The following NTRK3 variants were observed in gnomAD, a reference collection of about 807,000 sequenced individuals.
NTRK3 encodes NT-3 growth factor receptor.
In NTRK3, 24 loss-of-function variants were observed where a neutral mutation model predicts 91.7. That is an observed-to-expected ratio of 0.26 (90% CI 0.19 to 0.37). The LOEUF (loss-of-function observed/expected upper bound fraction) is 0.37. Among genes scored for constraint, NTRK3 ranks in the 10% least tolerant of loss-of-function variants. The pLI, the probability that NTRK3 is intolerant of heterozygous loss-of-function variation, is 1.00. For missense variants in NTRK3, 880 were observed against 1,068.9 expected, an observed-to-expected ratio of 0.82 and a Z score of 2.46; for synonymous variants, 483 against 404.0, an observed-to-expected ratio of 1.20 and a Z score of -2.34.
chr15:88,100,547 G>A (rs1188070587), intron 13 of NTRK3, among the ~76,000 whole-genome samples: 2 of 152,176 alleles, frequency 1.3e-5, no homozygotes, highest in Non-Finnish European at 2.9e-5. Flanking sequence ...AGACAGCAGT[G>A]CAGAGAACAA....
At chr15:88,211,323 T>C (rs1055719422) in intron 3 of NTRK3, among the ~76,000 whole-genome samples, 2 of 152,232 alleles carry the variant, frequency 1.3e-5, no homozygotes, top group Non-Finnish European at 2.9e-5. Context: ...GGTTCATCCA[T>C]GTTGTAGCAT....
At chr15:87,915,609 CT>C (rs2067392364) in intron 17 of NTRK3, among the ~76,000 whole-genome samples, 2 of 152,240 alleles carry the variant, frequency 1.3e-5, no homozygotes, top group South Asian at 4.1e-4. Flanking sequence ...CCTAAATTCT[CT>C]TGAGTAGGTT....
intron 3 of NTRK3, among the ~76,000 whole-genome samples, chr15:88,227,963 G>A (rs745851533): frequency 9.9e-5 from 15 of 152,188 alleles, no homozygotes; most frequent in East Asian, 1.9e-4. Context: ...TGGCATCCTT[G>A]GCTTCAGCCC....
chr15:88,026,537 G>C (rs1176193788), intron 14 of NTRK3, among the ~76,000 whole-genome samples: 2 of 152,086 alleles, frequency 1.3e-5, no homozygotes, highest in African/African-American at 4.8e-5. Flanking sequence ...AAATTATTCT[G>C]TCTGACATTG....
At chr15:87,873,249 A>C (rs2141417466) in exon 19 of NTRK3, 2 of 231,570 alleles carry the variant, frequency 8.6e-6, no homozygotes, top group Non-Finnish European at 1.7e-5. Flanking sequence ...TCTGTCTAGG[A>C]GTAATTTGTG....
At chr15:88,213,792 C>T (rs554553398) in intron 3 of NTRK3, among the ~76,000 whole-genome samples, 3 of 152,252 alleles carry the variant, frequency 2.0e-5, no homozygotes, top group African/African-American at 7.2e-5. Flanking sequence ...AGATTTGAAA[C>T]GAGGCGGCCA....
At chr15:87,963,940 T>C (rs1355640800) in intron 14 of NTRK3, among the ~76,000 whole-genome samples, 1 of 152,246 alleles carries the variant, frequency 6.6e-6, no homozygotes, top group African/African-American at 2.4e-5. Flanking sequence ...TTCCGTGTTT[T>C]ATAAGAGCAA....
At chr15:88,083,104 C>T (rs903334693) in intron 13 of NTRK3, among the ~76,000 whole-genome samples, 8 of 152,170 alleles carry the variant, frequency 5.3e-5, no homozygotes, top group African/African-American at 1.9e-4. Flanking sequence ...CTTTGCAGCT[C>T]CCACCTTCTC....
At chr15:88,161,539 G>C (rs896600026) in intron 5 of NTRK3, among the ~76,000 whole-genome samples, 1 of 152,192 alleles carries the variant, frequency 6.6e-6, no homozygotes, top group Non-Finnish European at 1.5e-5. Flanking sequence ...GTCACTGAGA[G>C]GGGAATTGGA....
rs543151238 is a variant in NTRK3, at chr15:87,952,432, T to C, written c.1586-11679A>G. On this transcript the variant is annotated intron_variant, in intron 14 of 18. Transcript: ENST00000394480. ...CTGTTGGGCTGCTCTGGTTGCCCCA[T>C]TGGGGCTTCCTGTCTTCCCTCAGGT... Among the ~76,000 whole-genome samples the C allele has an allele frequency of 5.3e-5, 8 of 152,240 alleles. No individual in the cohort carries two copies. The East Asian group carries it at 1.2e-3, about 22-fold the overall frequency.
chr15:87,975,870 A>T (rs183539128), intron 14 of NTRK3, among the ~76,000 whole-genome samples: 12 of 152,250 alleles, frequency 7.9e-5, no homozygotes, highest in African/African-American at 2.4e-4. Flanking sequence ...AAGCCACCAG[A>T]CAAGAACTCC....
intron 5 of NTRK3, among the ~76,000 whole-genome samples, chr15:88,152,194 G>A (rs370348435): frequency 6.6e-6 from 1 of 152,016 alleles, no homozygotes; most frequent in African/African-American, 2.4e-5. Context: ...CCAGCTACTT[G>A]GGAGACTGAG....
intron 3 of NTRK3, among the ~76,000 whole-genome samples, chr15:88,239,951 G>A (rs760127038): frequency 1.2e-4 from 18 of 151,938 alleles, no homozygotes; most frequent in Non-Finnish European, 2.2e-4. Flanking sequence ...CCCAGCGGTC[G>A]GTGTTTTAAC....
intron 17 of NTRK3, among the ~76,000 whole-genome samples, chr15:87,905,184 GAC>G (rs1448492558): frequency 6.6e-6 from 1 of 152,162 alleles, no homozygotes; most frequent in Non-Finnish European, 1.5e-5. Context: ...CTACCCCTAT[GAC>G]ACATGTTGTG....
intron 14 of NTRK3, among the ~76,000 whole-genome samples, chr15:88,016,544 C>T (rs2077244720): frequency 6.6e-6 from 1 of 152,234 alleles, no homozygotes; most frequent in Non-Finnish European, 1.5e-5. Flanking sequence ...AATGCTATGG[C>T]AGGCTCTTCT....
At chr15:88,041,778 C>T (rs452258) in intron 13 of NTRK3, among the ~76,000 whole-genome samples, 10 of 144,700 alleles carry the variant, frequency 6.9e-5, no homozygotes, top group Middle Eastern at 3.6e-3. Flanking sequence ...TCAGACACTT[C>T]GCGTGCATCA....
chr15:87,991,348 G>C (rs550276360), intron 14 of NTRK3, among the ~76,000 whole-genome samples: 2 of 152,280 alleles, frequency 1.3e-5, no homozygotes, highest in African/African-American at 4.8e-5. Flanking sequence ...ATTGGGATCT[G>C]CATTTTAACA....
intron 13 of NTRK3, among the ~76,000 whole-genome samples, chr15:88,110,487 G>A (rs2051220759): frequency 6.6e-6 from 1 of 152,154 alleles, no homozygotes; most frequent in African/African-American, 2.4e-5. Context: ...ACTAGGGGTG[G>A]TCAGAGGAGG....
At chr15:87,917,651 G>A (rs1218226419) in intron 17 of NTRK3, among the ~76,000 whole-genome samples, 2 of 152,186 alleles carry the variant, frequency 1.3e-5, no homozygotes, top group Admixed American at 1.3e-4. Context: ...AATCATGGGG[G>A]TGGATCCCTG....
Sources: allele counts gnomAD v4.1 joint callset (sites outside exome capture counted in the v4.1 genomes callset), GRCh38; gene constraint gnomAD v4.1.1; transcripts MANE v1.5; gene names NCBI Gene and HGNC (gene_info 2026-07-23, HGNC 2026-07-21).